NBPF26: variants seen among roughly 807,000 people sequenced by gnomAD.
The protein encoded by NBPF26 is NBPF family member NBPF26.
In NBPF26, 79 loss-of-function variants were observed where a neutral mutation model predicts 119.6. The ratio of observed to expected loss-of-function variants is 0.66; its 90% CI spans 0.55 to 0.80. The LOEUF is 0.80. Ranked by LOEUF, NBPF26 falls within the 30% of genes least tolerant of loss-of-function variation. The pLI is 0.00. For synonymous variants in NBPF26, 299 were observed against 457.7 expected, an observed-to-expected ratio of 0.65 and a Z score of 4.43; for missense variants, 800 against 1,198.2, an observed-to-expected ratio of 0.67 and a Z score of 4.91.
intron 4 of NBPF26, 74 bp downstream of exon 4, chr1:120,793,570 G>C (rs1651519731): frequency 9.1e-7 from 1 of 1,099,110 alleles, no homozygotes; most frequent in Non-Finnish European, 1.3e-6. Flanking sequence ...TGGCTCAATT[G>C]CATTTTTTAG....
At position 120,785,076 on chromosome 1, in the gene NBPF26, G is replaced by C; in HGVS notation, c.258G>C (p.Gly86=). Residue 86 remains glycine, a synonymous_variant, in exon 3 of 30, where the codon GGG becomes GGC. Coordinates refer to ENST00000620612, the Ensembl canonical transcript of NBPF26. The stretch of plus-strand genomic sequence containing the variant: ...CTTGTGTGGCCCAGGCCATGCTGGG[G>C]AAAGCCACGTGCCGGTGTGCCTCAG... 4.1e-6 allele frequency: 6 copies of C among 1,446,186 alleles called. 1 individual carries two copies. Among genetic ancestry groups the C allele is most frequent in the Non-Finnish European group, 5.5e-6 (6 of 1,082,268 alleles). The allele number at this position is 1,446,186 out of a possible 1,614,324, so 89.6% of individuals were successfully genotyped here. A position where few individuals can be genotyped will look rare whatever the true frequency, so the allele number is the denominator to read the frequency against.
intron 2 of NBPF26, among the ~76,000 whole-genome samples, chr1:120,764,424 AT>A (rs1207390685): frequency 2.2e-5 from 2 of 92,876 alleles, no homozygotes; most frequent in African/African-American, 1.4e-4. Flanking sequence ...TTATATTCAT[AT>A]TTTTTTCTAG....
rs1261568115 is a variant in NBPF26 at position 120,728,507 on chromosome 1, C to G, written c.73+4257C>G. Among the ~76,000 whole-genome samples, 3 of 116,458 alleles carry G rather than the reference C, an allele frequency of 2.6e-5. 1 individual carries two copies. Among genetic ancestry groups the G allele is most frequent in the Non-Finnish European group, 4.9e-5 (3 of 60,980 alleles). The allele number at this position is 116,458 out of a possible 152,430, so 76.4% of individuals were successfully genotyped here. Reference sequence around the variant, plus strand: ...TTCTGCAATTTATAAATCACTTTGACTTTGGAATCTCACTTCAAAGGCACT... The same window carrying G: ...TTCTGCAATTTATAAATCACTTTGAGTTTGGAATCTCACTTCAAAGGCACT... On this transcript the variant is annotated intron_variant, in intron 1 of 29. Coordinates refer to ENST00000620612, the Ensembl canonical transcript of NBPF26.
rs1183458045 is a variant in NBPF26 at position 120,794,922 on chromosome 1, T to G, written c.751+1426T>G. Among the ~76,000 whole-genome samples, 2 of 39,974 alleles carry G rather than the reference T, an allele frequency of 5.0e-5. 1 individual carries two copies. Among genetic ancestry groups the G allele is most frequent in the Admixed American group, 4.7e-4 (2 of 4,282 alleles). 26.2% of individuals were successfully genotyped at this position (39,974 alleles called of 152,430 possible). A position where few individuals can be genotyped will look rare whatever the true frequency, so the allele number is the denominator to read the frequency against. On this transcript the variant is annotated intron_variant, in intron 4 of 29. Coordinates refer to ENST00000620612, the Ensembl canonical transcript of NBPF26. ...AAGAAGTAACTAAAATACATCTGTC[T>G]TCACTCCTGTATTTGTTTGCATTTT...
chr1:120,824,062 G>C, exon 18 of NBPF26: 3 of 497,594 alleles, frequency 6.0e-6, no homozygotes, highest in East Asian at 2.9e-5. Context: ...AGGTTGTCTT[G>C]AACTGACTGA....
intron 2 of NBPF26, among the ~76,000 whole-genome samples, chr1:120,769,968 C>G: frequency 9.1e-6 from 1 of 109,640 alleles, no homozygotes; most frequent in East Asian, 2.2e-4. Flanking sequence ...ACTCACTAAT[C>G]AAAATAATGT....
intron 6 of NBPF26, among the ~76,000 whole-genome samples, chr1:120,807,912 G>T (rs1433604003): frequency 1.6e-5 from 2 of 121,224 alleles, no homozygotes; most frequent in Non-Finnish European, 3.3e-5. Flanking sequence ...TCAGAGCCTT[G>T]TTTTCTCTTT....
rs1234165369 is a variant in NBPF26, at chr1:120,811,222, T to G, written c.1564+664T>G. 1.9e-5 allele frequency among the ~76,000 whole-genome samples: 2 copies of G among 104,724 alleles called. 1 individual carries two copies. Among genetic ancestry groups the G allele is most frequent in the Admixed American group, 1.8e-4 (2 of 10,976 alleles). The allele number at this position is 104,724 out of a possible 152,430, so 68.7% of individuals were successfully genotyped here. Reference sequence around the variant, plus strand: ...AAGATTGTGCCACTGCACTCCAGCCTGGGAGACAGAGCGAGACTCCATCTC... The same window carrying G: ...AAGATTGTGCCACTGCACTCCAGCCGGGGAGACAGAGCGAGACTCCATCTC... On this transcript the variant is annotated intron_variant, in intron 9 of 29. Transcript: ENST00000620612.
chr1:120,840,453 T>A, exon 30 of NBPF26: 1 of 1,476,936 alleles, frequency 6.8e-7, no homozygotes, highest in Admixed American at 1.8e-5. Flanking sequence ...ACCTGACTCA[T>A]TCCAGCACTA....
chr1:120,726,096 TTAAA>T (rs1468815809), intron 1 of NBPF26, among the ~76,000 whole-genome samples: 1 of 99,672 alleles, frequency 1.0e-5, no homozygotes, highest in Non-Finnish European at 1.8e-5. Flanking sequence ...AAATTAAGTA[TTAAA>T]TAATATGTCA....
chr1:120,804,846 T>A (rs1651641070), intron 4 of NBPF26, among the ~76,000 whole-genome samples: 1 of 118,686 alleles, frequency 8.4e-6, no homozygotes, highest in Admixed American at 8.1e-5. Context: ...GAAAATATTT[T>A]TAAAAAATGA....
At position 120,724,378 on chromosome 1, in the gene NBPF26, C is replaced by A. The variant is rs1470106125; in HGVS notation, c.73+128C>A. On this transcript the variant is annotated intron_variant, in intron 1 of 29. Coordinates refer to ENST00000620612, the Ensembl canonical transcript of NBPF26. ...GCCGCCGGCGCGGAGTGAGGCCACT[C>A]GCTGGGTTCCCAAGAGTTTGGACAT... 8.2e-6 allele frequency: 11 copies of A among 1,346,846 alleles called. 2 individuals are homozygous for A. Among genetic ancestry groups the A allele is most frequent in the Middle Eastern group, 2.3e-4 (1 of 4,424 alleles). 83.4% of individuals were successfully genotyped at this position (1,346,846 alleles called of 1,614,324 possible).
chr1:120,816,843 C>A lies in NBPF26; in HGVS notation c.2371+16C>A. ...ATTATTCCAGGTAGCCTCTGTTTTC[C>A]TTGTGTCTCATACCTCTTTCTTGGC... On this transcript the variant is annotated intron_variant, in intron 14 of 29. Transcript: ENST00000620612. 3 of 1,449,240 alleles carry A rather than the reference C, an allele frequency of 2.1e-6. 1 individual carries two copies. The South Asian group carries it at 3.6e-5, about 17-fold the overall frequency. The allele number at this position is 1,449,240 out of a possible 1,614,324, so 89.8% of individuals were successfully genotyped here. A position where few individuals can be genotyped will look rare whatever the true frequency, so the allele number is the denominator to read the frequency against.
exon 30 of NBPF26, chr1:120,840,398 C>A: frequency 6.8e-7 from 1 of 1,464,444 alleles, no homozygotes; most frequent in Non-Finnish European, 9.2e-7. Context: ...TCTTGCAGGA[C>A]TCACTGGATA....
chr1:120,763,716 T>A lies in NBPF26; in HGVS notation c.155+7T>A. 9 of 1,244,176 alleles carry A rather than the reference T, an allele frequency of 7.2e-6. 2 individuals carry two copies. Among genetic ancestry groups the A allele is most frequent in the Non-Finnish European group, 1.0e-5 (9 of 901,934 alleles). The allele number at this position is 1,244,176 out of a possible 1,614,324, so 77.1% of individuals were successfully genotyped here. A position where few individuals can be genotyped will look rare whatever the true frequency, so the allele number is the denominator to read the frequency against. ...GTGGCACAGGATACTGCAAGTAAGT[T>A]TTTCTCTTCATATATTTTCTTTTTG... is the stretch of plus-strand genomic sequence containing the variant. On this transcript the variant is annotated splice_region_variant and intron_variant, in intron 2 of 29. Transcript: ENST00000620612.
chr1:120,725,358 ATAT>A, intron 1 of NBPF26, among the ~76,000 whole-genome samples: 1 of 85,282 alleles, frequency 1.2e-5, no homozygotes, highest in South Asian at 3.7e-4. Flanking sequence ...AAAATAATGT[ATAT>A]TAAACGGATG....
intron 1 of NBPF26, among the ~76,000 whole-genome samples, chr1:120,745,840 G>T (rs1349071353): frequency 1.1e-5 from 1 of 88,862 alleles, no homozygotes; most frequent in Non-Finnish European, 2.0e-5. Context: ...AAAAAACAAG[G>T]TAAAGTAATT....
intron 3 of NBPF26, among the ~76,000 whole-genome samples, chr1:120,790,002 C>A (rs1319566408): frequency 1.4e-5 from 1 of 72,002 alleles, no homozygotes; most frequent in Non-Finnish European, 2.4e-5. Flanking sequence ...CTGCAAGATT[C>A]TGATCACCTT....
intron 15 of NBPF26, among the ~76,000 whole-genome samples, chr1:120,820,450 ATATAT>A (rs1652107282): frequency 0.015 from 115 of 7,728 alleles, 9 homozygotes; most frequent in Admixed American, 0.057. Context: ...TATTAAAAAT[ATATAT>A]ATATATATAT....
Sources: gnomAD v4.1 joint callset for allele counts (sites outside exome capture counted in the v4.1 genomes callset) on GRCh38, gnomAD v4.1.1 for gene constraint, MANE v1.5 for transcripts, NCBI Gene and HGNC (gene_info 2026-07-23, HGNC 2026-07-21) for gene names.